Variants in SOD2 observed in about 807,000 individuals in gnomAD.
SOD2 encodes superoxide dismutase 2, also known as superoxide dismutase [Mn], mitochondrial.
A neutral mutation model predicts 27.0 loss-of-function variants in SOD2; 11 were observed. The observed-to-expected ratio is 0.41, with a 90% CI of 0.26 to 0.67. The LOEUF is 0.67. SOD2 is among the 30% of genes least tolerant of loss of function. SOD2 has a pLI of 0.34. For synonymous variants in SOD2, 105 were observed against 103.0 expected (o/e 1.02, Z -0.12); for missense variants, 250 against 274.5 (o/e 0.91, Z 0.63).
chr6:159,682,972 A>G (rs1209259523), intron 4 of SOD2, among the ~76,000 whole-genome samples: 5 of 152,320 alleles, frequency 3.3e-5, no homozygotes, highest in Admixed American at 1.3e-4. Context: ...TCTTAGGAGC[A>G]GCAGGAAGGG....
intron 1 of SOD2, chr6:159,713,266 A>G: frequency 1.4e-6 from 1 of 709,322 alleles, no homozygotes; most frequent in Non-Finnish European, 2.5e-6. Context: ...CACGATAGTC[A>G]TCATAGCCTC....
upstream of SOD2, among the ~76,000 whole-genome samples, chr6:159,728,119 C>T (rs1778327351): frequency 6.6e-6 from 1 of 152,272 alleles, no homozygotes; most frequent in Non-Finnish European, 1.5e-5. Flanking sequence ...TCGTTCCCTA[C>T]ATTTCATGTC....
rs191518860 is a variant in SOD2 at position 159,674,081 on chromosome 6, C to A, written c.*8412G>T. Reference sequence around the variant, plus strand: ...AATCCCTGAATAGACCAATAACAGGCTCTGAAATTGAGGCAATAATTAATA... The same window carrying A: ...AATCCCTGAATAGACCAATAACAGGATCTGAAATTGAGGCAATAATTAATA... On this transcript the variant is annotated 3_prime_UTR_variant, in exon 5 of 5. Transcript: ENST00000538183. 2 of 152,214 alleles carry A rather than the reference C, an allele frequency of 1.3e-5. No individual in the cohort carries two copies. Among genetic ancestry groups the A allele is most frequent in the East Asian group, 3.9e-4 (2 of 5,182 alleles). 9.4% of individuals were successfully genotyped at this position (152,214 alleles called of 1,614,324 possible).
chr6:159,743,645 A>G (rs756634669), intron 1 of SOD2: 2 of 1,556,888 alleles, frequency 1.3e-6, no homozygotes, highest in Admixed American at 1.9e-5. Flanking sequence ...TGTATTTATA[A>G]TTTTTTTTTG....
chr6:159,689,144 G>A (rs1282783341), intron 2 of SOD2, among the ~76,000 whole-genome samples: 1 of 152,148 alleles, frequency 6.6e-6, no homozygotes, highest in Admixed American at 6.5e-5. Context: ...ACGTGCTCAC[G>A]CAGCTGCAGC....
intron 1 of SOD2, among the ~76,000 whole-genome samples, chr6:159,744,908 G>A (rs1247284639): frequency 6.6e-6 from 1 of 152,142 alleles, no homozygotes; most frequent in African/African-American, 2.4e-5. Flanking sequence ...TTGAACTGCT[G>A]TACTTTGGCA....
At chr6:159,715,028 C>T (rs1777900132) in intron 1 of SOD2, among the ~76,000 whole-genome samples, 1 of 151,800 alleles carries the variant, frequency 6.6e-6, no homozygotes, top group South Asian at 2.1e-4. Context: ...GCTTGTTTTA[C>T]ATATAATATT....
chr6:159,758,397 T>G (rs879493742), intron 1 of SOD2, among the ~76,000 whole-genome samples: 7 of 152,182 alleles, frequency 4.6e-5, no homozygotes, highest in Non-Finnish European at 7.3e-5. Context: ...GAGAGCGCAA[T>G]AGATGTCAGT....
chr6:159,690,916 T>A (rs1583018080), intron 2 of SOD2: 1 of 152,010 alleles, frequency 6.6e-6, no homozygotes, highest in East Asian at 1.9e-4. Flanking sequence ...AAAAGTCAAA[T>A]GCTTTTTGTT....
chr6:159,726,929 G>A (rs758286482), intron 1 of SOD2: 11 of 1,288,624 alleles, frequency 8.5e-6, no homozygotes, highest in South Asian at 3.7e-5. Context: ...CTGGTCCTCC[G>A]ACACGCGGAA....
At chr6:159,732,341 G>T (rs2758311), upstream of SOD2, among the ~76,000 whole-genome samples, 2 of 151,814 alleles carry the variant, frequency 1.3e-5, no homozygotes, top group Non-Finnish European at 2.9e-5. Flanking sequence ...CTAGATAAAA[G>T]GTATACCACC....
At chr6:159,707,386 GAA>G (rs1341441571) in intron 1 of SOD2, among the ~76,000 whole-genome samples, 1 of 152,092 alleles carries the variant, frequency 6.6e-6, no homozygotes, top group East Asian at 1.9e-4. Context: ...TACTAAAAAA[GAA>G]AAGAGAGAAG....
rs1273611355 is a variant in SOD2, at chr6:159,693,219, C to T, written c.-52G>A. ...TGCCGCCGATCTGCTGAAGCCGCTG[C>T]CGAAGCCACCACAGCCACGAGTGCC... On this transcript the variant is annotated 5_prime_UTR_variant, in exon 1 of 5. Transcript: ENST00000538183. 1 of 1,490,822 alleles carries T rather than the reference C, an allele frequency of 6.7e-7. No homozygotes were observed. Among genetic ancestry groups the T allele is most frequent in the Non-Finnish European group, 9.0e-7 (1 of 1,110,348 alleles). The allele number at this position is 1,490,822 out of a possible 1,614,324, so 92.3% of individuals were successfully genotyped here.
At chr6:159,730,338 G>GT (rs1369809046), upstream of SOD2, among the ~76,000 whole-genome samples, 1 of 151,992 alleles carries the variant, frequency 6.6e-6, no homozygotes, top group African/African-American at 2.4e-5. Context: ...TGGTCATTCT[G>GT]TTTTTCTGAT....
In SOD2 at chr6:159,692,448, G is replaced by A. The variant is rs2114791553; in HGVS notation, c.226+213C>T. 2.8e-6 allele frequency: 4 copies of A among 1,406,128 alleles called. No individual in the cohort carries two copies. In the East Asian group the frequency reaches 1.1e-4, roughly 38 times the overall value. The allele number at this position is 1,406,128 out of a possible 1,614,324, so 87.1% of individuals were successfully genotyped here. On this transcript the variant is annotated intron_variant, in intron 2 of 4. Transcript: ENST00000538183. Reference sequence around the variant, plus strand: ...CTTCGCAGGACCCCAAGTTCCCTGAGATGACAGAAGTGTGTTCAAACCCAT... The same window carrying A: ...CTTCGCAGGACCCCAAGTTCCCTGAAATGACAGAAGTGTGTTCAAACCCAT...
intron 1 of SOD2, among the ~76,000 whole-genome samples, chr6:159,757,658 A>G (rs1780043462): frequency 6.6e-6 from 1 of 151,784 alleles, no homozygotes; most frequent in Non-Finnish European, 1.5e-5. Flanking sequence ...TGATCCACCC[A>G]CCTCGGCCTC....
At chr6:159,714,297 C>T (rs530335682) in intron 1 of SOD2, among the ~76,000 whole-genome samples, 229 of 152,204 alleles carry the variant, frequency 1.5e-3, no homozygotes, top group Non-Finnish European at 1.6e-3. Context: ...ATTCTTTTTT[C>T]CCTCCAGAAA....
chr6:159,716,512 C>T (rs577319589), intron 1 of SOD2, among the ~76,000 whole-genome samples: 1 of 152,164 alleles, frequency 6.6e-6, no homozygotes, highest in Non-Finnish European at 1.5e-5. Context: ...TTCTCAGAAG[C>T]CCCGAGAGAT....
At chr6:159,748,543 G>C, upstream of SOD2, 15 of 1,367,814 alleles carry the variant, frequency 1.1e-5, no homozygotes, top group African/African-American at 1.5e-5. This position sits in a 1 kb window ranked among gnomAD's most constrained non-coding sequence, Gnocchi z 5.6. Flanking sequence ...CTTACCAGAT[G>C]AACCTTGTGT....
Sources: gnomAD v4.1 joint callset for allele counts (sites outside exome capture counted in the v4.1 genomes callset) on GRCh38, gnomAD v4.1.1 for gene constraint, Gnocchi (gnomAD v3.1) non-coding constraint, MANE v1.5 for transcripts, NCBI Gene and HGNC (gene_info 2026-07-23, HGNC 2026-07-21) for gene names.